Variants in PPARGC1A observed in about 807,000 individuals in gnomAD.
PPARGC1A encodes the protein PPARG coactivator 1 alpha.
PPARGC1A carries 25 observed loss-of-function variants against 88.7 expected under a neutral mutation model. That is an observed-to-expected ratio of 0.28 (90% CI 0.21 to 0.39). The LOEUF is 0.39. Among genes scored for constraint, PPARGC1A ranks in the 10% least tolerant of loss-of-function variants. The pLI, the probability that PPARGC1A is intolerant of heterozygous loss-of-function variation, is 1.00. For missense variants in PPARGC1A, 880 were observed against 968.7 expected, an observed-to-expected ratio of 0.91 and a Z score of 1.22; for synonymous variants, 363 against 355.6, an observed-to-expected ratio of 1.02 and a Z score of -0.24.
the PPARGC1A span, among the ~76,000 whole-genome samples, chr4:24,315,956 A>G: frequency 6.6e-6 from 1 of 152,192 alleles, no homozygotes; most frequent in Non-Finnish European, 1.5e-5. Context: ...CCTATCCAAG[A>G]GTTTTGGCCT....
the PPARGC1A span, among the ~76,000 whole-genome samples, chr4:24,418,212 A>AT: frequency 3.9e-5 from 6 of 152,162 alleles, no homozygotes. Flanking sequence ...ATTCAATGAT[A>AT]TTCCCCACCC....
At chr4:24,086,700 G>C in the PPARGC1A span, among the ~76,000 whole-genome samples, 1 of 152,056 alleles carries the variant, frequency 6.6e-6, no homozygotes, top group Non-Finnish European at 1.5e-5. Context: ...CACATGGGGG[G>C]TATTCAAAAA....
the PPARGC1A span, among the ~76,000 whole-genome samples, chr4:23,954,546 T>C: frequency 6.6e-6 from 1 of 151,998 alleles, no homozygotes; most frequent in Non-Finnish European, 1.5e-5. Context: ...GAAATATTCT[T>C]GGTAATCATA....
the PPARGC1A span, among the ~76,000 whole-genome samples, chr4:24,387,746 AAGAGAGAGAGAGAGAG>A: frequency 5.4e-4 from 33 of 61,172 alleles, no homozygotes; most frequent in African/African-American, 2.2e-3. Context: ...GAAAGAAAGA[AAGAGAGAGAGAGAGAG>A]AGAGAGAAAG....
At position 23,820,050 on chromosome 4, in the gene PPARGC1A, G is replaced by A. The variant is rs1722704120; in HGVS notation, c.877+4230C>T. On this transcript the variant is annotated intron_variant, in intron 7 of 12. Transcript: ENST00000264867. ...AGCAAAGTGAACTTTTAAATTGAGAGTCCACAAAGGCAATGTAAAATTCAA... is the reference window on the plus strand; with the variant it reads ...AGCAAAGTGAACTTTTAAATTGAGAATCCACAAAGGCAATGTAAAATTCAA... Among the ~76,000 whole-genome samples the A allele has an allele frequency of 1.3e-5, 2 of 152,226 alleles. 1 individual carries two copies. The highest frequency in any genetic ancestry group is 4.8e-5 in the African/African-American group (2 of 41,560).
At chr4:23,882,513 A>C (rs1052306187) in intron 2 of PPARGC1A, among the ~76,000 whole-genome samples, 1 of 151,992 alleles carries the variant, frequency 6.6e-6, no homozygotes, top group Non-Finnish European at 1.5e-5. Context: ...CTACTCAATA[A>C]ATGCTCGTAG....
chr4:24,012,664 A>T, the PPARGC1A span, among the ~76,000 whole-genome samples: 17 of 152,128 alleles, frequency 1.1e-4, no homozygotes, highest in Non-Finnish European at 1.5e-5. Context: ...TAGAATATCA[A>T]AGTGGAGAAC....
At chr4:24,339,237 T>TATATATACAC in the PPARGC1A span, among the ~76,000 whole-genome samples, 2 of 104,316 alleles carry the variant, frequency 1.9e-5, no homozygotes, top group Non-Finnish European at 3.8e-5. Flanking sequence ...TATATATATA[T>TATATATACAC]ACACACACAC....
the PPARGC1A span, among the ~76,000 whole-genome samples, chr4:24,053,146 C>T: frequency 3.3e-5 from 5 of 151,778 alleles, no homozygotes; most frequent in Admixed American, 6.6e-5. Flanking sequence ...GCCAGGATTA[C>T]AGGCGTGAGC....
At chr4:23,826,795 T>G (rs181138993) in intron 5 of PPARGC1A, among the ~76,000 whole-genome samples, 7 of 152,022 alleles carry the variant, frequency 4.6e-5, no homozygotes, top group Non-Finnish European at 8.8e-5. Flanking sequence ...GCCAGTCTCA[T>G]CTAAAGAAAA....
chr4:24,084,271 G>A, the PPARGC1A span, among the ~76,000 whole-genome samples: 1 of 152,220 alleles, frequency 6.6e-6, no homozygotes, highest in Non-Finnish European at 1.5e-5. Context: ...GGCTATAGAA[G>A]TTAGGGATAA....
chr4:24,233,585 TACACACACACACACACACAC>T, the PPARGC1A span, among the ~76,000 whole-genome samples: 4 of 149,216 alleles, frequency 2.7e-5, no homozygotes, highest in Non-Finnish European at 5.9e-5. Context: ...CACAAACACA[TACACACACACACACACACAC>T]ACACACACAC....
chr4:24,065,675 G>T, the PPARGC1A span, among the ~76,000 whole-genome samples: 2 of 152,166 alleles, frequency 1.3e-5, no homozygotes. Context: ...TAGGCATTGA[G>T]CTAGAGCCTC....
the PPARGC1A span, among the ~76,000 whole-genome samples, chr4:23,959,703 G>A: frequency 1.3e-5 from 2 of 152,094 alleles, no homozygotes; most frequent in Non-Finnish European, 2.9e-5. Flanking sequence ...GAAGGAGAAA[G>A]GTATTTATGA....
the PPARGC1A span, among the ~76,000 whole-genome samples, chr4:24,290,154 A>G: frequency 6.6e-6 from 1 of 152,206 alleles, no homozygotes. Flanking sequence ...TACGGGAGCT[A>G]CAATTCAAGA....
chr4:23,795,291 T>TTATA lies in PPARGC1A; in HGVS notation c.*527_*530dup, dbSNP rs138055487. The TTATA allele has an allele frequency of 0.014, 372 of 26,464 alleles. 1 individual carries two copies. Among genetic ancestry groups the TTATA allele is most frequent in the African/African-American group, 0.031 (135 of 4,378 alleles). The allele number at this position is 26,464 out of a possible 1,614,324, so 1.6% of individuals were successfully genotyped here. A position where few individuals can be genotyped will look rare whatever the true frequency, so the allele number is the denominator to read the frequency against. ...TTGTTAGTTTTCTTTCCTTTTTAAT[T>TTATA]TATATATATATATATATATATATAT... On this transcript the variant is annotated 3_prime_UTR_variant, in exon 13 of 13. Transcript: ENST00000264867.
intron 2 of PPARGC1A, among the ~76,000 whole-genome samples, chr4:23,873,452 G>A (rs1353711884): frequency 6.6e-6 from 1 of 152,124 alleles, no homozygotes; most frequent in East Asian, 1.9e-4. Context: ...TTTCTCAAAA[G>A]TGAAAACAGA....
the PPARGC1A span, among the ~76,000 whole-genome samples, chr4:23,998,744 G>A: frequency 3.3e-5 from 5 of 151,992 alleles, no homozygotes; most frequent in African/African-American, 1.2e-4. Flanking sequence ...TGACTTCCTA[G>A]GGAGAACAAG....
At chr4:24,301,855 T>C in the PPARGC1A span, among the ~76,000 whole-genome samples, 1 of 152,176 alleles carries the variant, frequency 6.6e-6, no homozygotes, top group East Asian at 1.9e-4. Flanking sequence ...ATCCTACCCA[T>C]TTAATCTAAC....
Sources: gnomAD v4.1 joint callset for allele counts (sites outside exome capture counted in the v4.1 genomes callset) on GRCh38, gnomAD v4.1.1 for gene constraint, MANE v1.5 for transcripts, NCBI Gene and HGNC (gene_info 2026-07-23, HGNC 2026-07-21) for gene names.